Variants in HRH1 observed in about 807,000 individuals in gnomAD.
The protein encoded by HRH1 is histamine receptor H1.
Under a neutral mutation model 10.3 loss-of-function variants are expected in HRH1, and 6 were observed. That is an observed-to-expected ratio of 0.58 (90% CI 0.32 to 1.15). HRH1 has a LOEUF of 1.15. Ranked by LOEUF, HRH1 falls within the 50% of genes most tolerant of loss-of-function variation. The pLI is 0.05. For synonymous variants in HRH1, 242 were observed against 236.7 expected, an observed-to-expected ratio of 1.02 and a Z score of -0.21; for missense variants, 514 against 615.3, an observed-to-expected ratio of 0.84 and a Z score of 1.74.
At chr3:11,213,611 G>A (rs942679794) in intron 1 of HRH1, among the ~76,000 whole-genome samples, 1 of 152,192 alleles carries the variant, frequency 6.6e-6, no homozygotes, top group Non-Finnish European at 1.5e-5. Flanking sequence ...AGGTGGAAGG[G>A]ACAATGTGTT....
rs188049809 is a variant in HRH1, at chr3:11,158,970, G to A, written c.-36+4416G>A. Among the ~76,000 whole-genome samples, 541 of 152,198 alleles carry A rather than the reference G, an allele frequency of 3.6e-3. 3 individuals carry two copies. The highest frequency in any genetic ancestry group is 5.8e-3 in the Non-Finnish European group (394 of 68,012). On this transcript the variant is annotated intron_variant, in intron 1 of 1. Coordinates refer to ENST00000431010, the MANE Select transcript of HRH1 (RefSeq NM_001098212.2). ...TACAATAATGAATTGAAGAATGGCC[G>A]GGCACAGTGACTCACACCTGTAATC...
intron 1 of HRH1, among the ~76,000 whole-genome samples, chr3:11,178,052 A>T (rs189716128): frequency 1.3e-5 from 2 of 152,354 alleles, no homozygotes; most frequent in Admixed American, 1.3e-4. Context: ...TTCCAGCAGC[A>T]GAGAAGAGGT....
intron 1 of HRH1, among the ~76,000 whole-genome samples, chr3:11,188,786 T>C (rs1043382020): frequency 1.3e-5 from 2 of 152,118 alleles, no homozygotes; most frequent in African/African-American, 4.8e-5. Flanking sequence ...TCGTGTTTAG[T>C]GAAAAGTAGA....
intron 1 of HRH1, among the ~76,000 whole-genome samples, chr3:11,198,277 C>G (rs1353218321): frequency 6.6e-6 from 1 of 152,002 alleles, no homozygotes; most frequent in African/African-American, 2.4e-5. Context: ...CCCTTCCCCA[C>G]AAAGTCACAT....
At chr3:11,196,783 G>T (rs950991787) in intron 1 of HRH1, among the ~76,000 whole-genome samples, 1 of 151,958 alleles carries the variant, frequency 6.6e-6, no homozygotes, top group African/African-American at 2.4e-5. Context: ...CCATGGACTA[G>T]CAGCATCAGG....
chr3:11,150,022 T>A (rs1305713247), upstream of HRH1, among the ~76,000 whole-genome samples: 1 of 152,148 alleles, frequency 6.6e-6, no homozygotes, highest in Non-Finnish European at 1.5e-5. Context: ...TCCCCACACA[T>A]CCTTGCCAGA....
intron 1 of HRH1, among the ~76,000 whole-genome samples, chr3:11,257,009 T>G: frequency 6.6e-6 from 1 of 152,026 alleles, no homozygotes. Flanking sequence ...TCTCAGCACT[T>G]TGGGAGGCCA....
At chr3:11,187,481 C>T (rs1223285806) in intron 1 of HRH1, among the ~76,000 whole-genome samples, 2 of 152,042 alleles carry the variant, frequency 1.3e-5, no homozygotes, top group African/African-American at 2.4e-5. Flanking sequence ...GACCACTCAA[C>T]GTTACTGAGC....
At position 11,148,180 on chromosome 3, in the gene HRH1, C is replaced by CAAA. The variant is rs58792725; in HGVS notation, c.-36+10797_-36+10799dup. Among the ~76,000 whole-genome samples, 307 of 85,982 alleles carry CAAA rather than the reference C, an allele frequency of 3.6e-3. 1 individual carries two copies. The highest frequency in any genetic ancestry group is 0.012 in the African/African-American group (289 of 23,462). 56.4% of individuals were successfully genotyped at this position (85,982 alleles called of 152,430 possible). On this transcript the variant is annotated intron_variant, in intron 1 of 1. Coordinates refer to the HRH1 transcript ENST00000438284. ...AGCAACAGAGTGAGACTCTGTCAAA[C>CAAA]AAAAAAAAAAAAAAAAAAGAAAAGA...
intron 1 of HRH1, among the ~76,000 whole-genome samples, chr3:11,174,195 G>A (rs530473054): frequency 6.6e-6 from 1 of 152,338 alleles, no homozygotes; most frequent in South Asian, 2.1e-4. Flanking sequence ...GTTAGTGACT[G>A]TCTCCCCAGC....
intron 1 of HRH1, among the ~76,000 whole-genome samples, chr3:11,140,497 G>C (rs369771460): frequency 6.6e-6 from 1 of 151,794 alleles, no homozygotes; most frequent in Non-Finnish European, 1.5e-5. Flanking sequence ...CTTTGCCCTC[G>C]TACACCCTGG....
chr3:11,250,801 A>G (rs1939629845), intron 1 of HRH1, among the ~76,000 whole-genome samples: 1 of 152,162 alleles, frequency 6.6e-6, no homozygotes, highest in Non-Finnish European at 1.5e-5. Flanking sequence ...ACTCTCCCTG[A>G]TGAGGGTGGA....
At chr3:11,167,216 T>C (rs55663771) in intron 1 of HRH1, among the ~76,000 whole-genome samples, 4,135 of 121,312 alleles carry the variant, frequency 0.034, 67 homozygotes, top group African/African-American at 0.065. Flanking sequence ...GTCCCCTGGC[T>C]TCTCCAGGCC....
intron 1 of HRH1, among the ~76,000 whole-genome samples, chr3:11,170,512 G>T (rs940797179): frequency 6.6e-6 from 1 of 152,266 alleles, no homozygotes; most frequent in Non-Finnish European, 1.5e-5. Context: ...GGTGGGGAAG[G>T]CAGACCCGGA....
intron 1 of HRH1, among the ~76,000 whole-genome samples, chr3:11,198,989 T>C (rs990344241): frequency 4.0e-5 from 6 of 151,774 alleles, no homozygotes; most frequent in African/African-American, 1.2e-4. Flanking sequence ...AGTGACACTA[T>C]CTCAGTTCAT....
intron 1 of HRH1, among the ~76,000 whole-genome samples, chr3:11,167,307 T>C (rs960591261): frequency 1.4e-5 from 2 of 143,444 alleles, no homozygotes; most frequent in African/African-American, 2.7e-5. Flanking sequence ...TGACATCTGC[T>C]GTCCCCTGGC....
intron 1 of HRH1, among the ~76,000 whole-genome samples, chr3:11,168,898 G>T (rs1317598521): frequency 6.6e-6 from 1 of 152,224 alleles, no homozygotes; most frequent in Non-Finnish European, 1.5e-5. Flanking sequence ...CCAACCAGGA[G>T]CCTGGGGTTT....
intron 1 of HRH1, among the ~76,000 whole-genome samples, chr3:11,158,646 A>G (rs1936866147): frequency 6.6e-6 from 1 of 151,872 alleles, no homozygotes; most frequent in African/African-American, 2.4e-5. Context: ...TGTTTTTTAT[A>G]TCTTTTGTTA....
At position 11,261,148 on chromosome 3, in the gene HRH1, C is replaced by T. The variant is rs951331212; in HGVS notation, c.*647C>T. The T allele has an allele frequency of 6.0e-6, 1 of 167,124 alleles. No homozygotes were observed. Among genetic ancestry groups the T allele is most frequent in the African/African-American group, 2.4e-5 (1 of 41,470 alleles). The allele number at this position is 167,124 out of a possible 1,614,324, so 10.4% of individuals were successfully genotyped here. On this transcript the variant is annotated 3_prime_UTR_variant, in exon 2 of 2. Transcript: ENST00000431010. ...GGAAATTCTGCCTTATTATTTCTTA[C>T]TCAAACATGTTTAGAGTGGATAGAA... is the stretch of plus-strand genomic sequence containing the variant.
Sources: allele counts gnomAD v4.1 joint callset (sites outside exome capture counted in the v4.1 genomes callset), GRCh38; gene constraint gnomAD v4.1.1; transcripts MANE v1.5; gene names NCBI Gene and HGNC (gene_info 2026-07-23, HGNC 2026-07-21).